Variants in PMP22 observed in about 807,000 individuals in gnomAD.
The protein encoded by PMP22 is Charcot-Marie-Tooth neuropathy 1A (greatly reduced nerve conduction velocity, hereditary motor sensory neuropathy Ia).
In PMP22, 2 loss-of-function variants were observed where a neutral mutation model predicts 18.9. The ratio of observed to expected loss-of-function variants is 0.11; its 90% CI spans 0.04 to 0.33. The LOEUF is 0.33. Among genes scored for constraint, PMP22 ranks in the 10% least tolerant of loss-of-function variants. The probability of loss-of-function intolerance (pLI) is 1.00; values close to 1 mark genes in which losing one functional copy is unlikely to be tolerated. For synonymous variants in PMP22, 95 were observed against 89.2 expected (o/e 1.07, Z -0.37); for missense variants, 169 against 202.2 (o/e 0.84, Z 1.00).
chr17:15,242,523 G>A (rs1231851463), intron 3 of PMP22, among the ~76,000 whole-genome samples: 1 of 152,026 alleles, frequency 6.6e-6, no homozygotes, highest in African/African-American at 2.4e-5. Flanking sequence ...TATGACTGAA[G>A]AAAATAAATC....
intron 4 of PMP22, chr17:15,232,698 GGC>G (rs1906461905): frequency 1.3e-5 from 2 of 152,254 alleles, no homozygotes. Context: ...TCATCATGCA[GGC>G]AGGGCTCCCA....
chr17:15,240,740 G>C (rs1330946439), intron 3 of PMP22, among the ~76,000 whole-genome samples: 2 of 152,180 alleles, frequency 1.3e-5, no homozygotes, highest in African/African-American at 2.4e-5. Flanking sequence ...GGCAGGCACT[G>C]CTCTCATGGA....
chr17:15,263,077 G>T (rs879559743), intron 1 of PMP22, among the ~76,000 whole-genome samples: 33 of 152,214 alleles, frequency 2.2e-4, no homozygotes, highest in Non-Finnish European at 3.7e-4. Context: ...GCCCCGCGCC[G>T]GTCCCCGCTA....
intron 2 of PMP22, among the ~76,000 whole-genome samples, chr17:15,259,732 G>A (rs956428486): frequency 2.6e-5 from 4 of 151,378 alleles, no homozygotes; most frequent in African/African-American, 7.3e-5. Context: ...ATGAGGTCAG[G>A]AGTTTGAGAC....
Position 15,230,891 on chromosome 17 carries a change from A to AGCCTCAGACAGACCGTCTGGGC in PMP22, c.*4_*25dup. On this transcript the variant is annotated 3_prime_UTR_variant, in exon 5 of 5. Transcript: ENST00000312280. ...TCCTCCCTTCCCTATGTACGCTCAG[A>AGCCTCAGACAGACCGTCTGGGC]GCCTCAGACAGACCGTCTGGGCGCC... The AGCCTCAGACAGACCGTCTGGGC allele has an allele frequency of 6.2e-7, 1 of 1,612,554 alleles. No homozygotes were observed. Among genetic ancestry groups the AGCCTCAGACAGACCGTCTGGGC allele is most frequent in the South Asian group, 1.1e-5 (1 of 91,050 alleles).
At chr17:15,264,255 T>TAGATAG (rs9303128) in intron 1 of PMP22, among the ~76,000 whole-genome samples, 53,132 of 150,012 alleles carry the variant, frequency 0.35, 9,506 homozygotes, top group African/African-American at 0.44. Context: ...GATAGATAGA[T>TAGATAG]ATAGATAGAT....
chr17:15,257,701 C>T (rs1435626970), intron 3 of PMP22, among the ~76,000 whole-genome samples: 3 of 152,180 alleles, frequency 2.0e-5, no homozygotes, highest in African/African-American at 7.2e-5. Flanking sequence ...GCAAACCCAC[C>T]ACGTAATTTC....
At chr17:15,259,809 C>G (rs1160781314) in intron 2 of PMP22, among the ~76,000 whole-genome samples, 1 of 150,756 alleles carries the variant, frequency 6.6e-6, no homozygotes, top group Non-Finnish European at 1.5e-5. Flanking sequence ...ATTAGCCAGG[C>G]GTGGTGGCGG....
At chr17:15,239,983 C>G (rs550624604) in intron 3 of PMP22, among the ~76,000 whole-genome samples, 1 of 151,818 alleles carries the variant, frequency 6.6e-6, no homozygotes, top group Non-Finnish European at 1.5e-5. Flanking sequence ...TATACAAATA[C>G]GTGACACACA....
intron 1 of PMP22, among the ~76,000 whole-genome samples, chr17:15,263,688 G>T (rs559703098): frequency 1.3e-5 from 2 of 152,224 alleles, no homozygotes; most frequent in Non-Finnish European, 2.9e-5. Flanking sequence ...CGATTTGAAA[G>T]GAGCTGCTAT....
At chr17:15,260,950 C>CAGCG in intron 1 of PMP22, 189 bp from the exon 2 acceptor site, 2 of 372,958 alleles carry the variant, frequency 5.4e-6, no homozygotes, top group Non-Finnish European at 9.4e-6. Context: ...CCTGCAGGAC[C>CAGCG]AGCGCCCAGT....
intron 3 of PMP22, among the ~76,000 whole-genome samples, chr17:15,241,482 G>A (rs922567565): frequency 8.5e-5 from 13 of 152,136 alleles, no homozygotes; most frequent in Non-Finnish European, 1.3e-4. Context: ...ATGTTCATGA[G>A]GAGTATGGCT....
intron 3 of PMP22, among the ~76,000 whole-genome samples, chr17:15,254,686 G>T (rs954148128): frequency 4.6e-5 from 7 of 152,132 alleles, no homozygotes; most frequent in Non-Finnish European, 1.0e-4. Flanking sequence ...GGCCAGGCAT[G>T]GTGGCTCACG....
chr17:15,240,360 T>C (rs1467615472), intron 3 of PMP22, among the ~76,000 whole-genome samples: 1 of 151,552 alleles, frequency 6.6e-6, no homozygotes, highest in African/African-American at 2.4e-5. Context: ...TGAAGAAAGG[T>C]ATGCTCTCTA....
intron 3 of PMP22, among the ~76,000 whole-genome samples, chr17:15,249,114 A>G (rs192368881): frequency 2.6e-5 from 4 of 152,332 alleles, no homozygotes; most frequent in Admixed American, 2.6e-4. Context: ...TACCCCCACC[A>G]GTGACAGTAA....
chr17:15,234,034 C>T (rs1028440950), intron 4 of PMP22, among the ~76,000 whole-genome samples: 2 of 152,168 alleles, frequency 1.3e-5, no homozygotes, highest in African/African-American at 4.8e-5. Flanking sequence ...AAAATGGATT[C>T]AGGGGCAGGG....
intron 4 of PMP22, among the ~76,000 whole-genome samples, chr17:15,236,701 C>A (rs1306297144): frequency 1.3e-5 from 2 of 152,208 alleles, no homozygotes; most frequent in Non-Finnish European, 2.9e-5. Flanking sequence ...TTACTAACTT[C>A]TTACTAGTCT....
chr17:15,239,649 T>G, intron 3 of PMP22, 38 bp from the exon 4 acceptor site: 1 of 1,612,284 alleles, frequency 6.2e-7, no homozygotes, highest in Non-Finnish European at 8.5e-7. Context: ...GAGCTGGCCA[T>G]GGCCGGGGGA....
At chr17:15,235,686 G>A (rs1225513856) in intron 4 of PMP22, among the ~76,000 whole-genome samples, 3 of 152,156 alleles carry the variant, frequency 2.0e-5, no homozygotes, top group Non-Finnish European at 4.4e-5. Flanking sequence ...CCTAGGCAGT[G>A]GATCCATCCC....
Sources: gnomAD v4.1 joint callset for allele counts (sites outside exome capture counted in the v4.1 genomes callset) on GRCh38, gnomAD v4.1.1 for gene constraint, MANE v1.5 for transcripts, NCBI Gene and HGNC (gene_info 2026-07-23, HGNC 2026-07-21) for gene names.